Variants in RGS12 observed in about 807,000 individuals in gnomAD.
The protein encoded by RGS12 is regulator of G-protein signaling 12.
In RGS12, 66 loss-of-function variants were observed where a neutral mutation model predicts 120.1. The observed-to-expected ratio is 0.55, with a 90% CI of 0.45 to 0.67. The LOEUF (loss-of-function observed/expected upper bound fraction) is 0.67. Among genes scored for constraint, RGS12 ranks in the 30% least tolerant of loss-of-function variants. The probability of loss-of-function intolerance (pLI) is 0.00; values close to 1 mark genes in which losing one functional copy is unlikely to be tolerated. For synonymous variants in RGS12, 827 were observed against 804.7 expected, an observed-to-expected ratio of 1.03 and a Z score of -0.47; for missense variants, 1,859 against 1,957.7, an observed-to-expected ratio of 0.95 and a Z score of 0.95.
intron 1 of RGS12, among the ~76,000 whole-genome samples, chr4:3,307,937 G>T (rs1724062495): frequency 6.6e-6 from 1 of 152,232 alleles, no homozygotes; most frequent in Non-Finnish European, 1.5e-5. Flanking sequence ...TCCTTACCTG[G>T]TGTATTTGGG....
intron 4 of RGS12, among the ~76,000 whole-genome samples, chr4:3,400,864 A>G (rs1030703197): frequency 7.3e-5 from 11 of 150,496 alleles, no homozygotes; most frequent in African/African-American, 9.7e-5. Context: ...TAGTAATAGT[A>G]TATATATTAG....
intron 10 of RGS12, 87 bp downstream of exon 10, chr4:3,420,805 G>A: frequency 3.4e-6 from 4 of 1,170,104 alleles, no homozygotes; most frequent in Non-Finnish European, 4.9e-6. Context: ...GGAAACCTGT[G>A]TTTACAAAAC....
chr4:3,431,203 C>T, intron 17 of RGS12: 2 of 1,375,812 alleles, frequency 1.5e-6, no homozygotes, highest in Non-Finnish European at 1.9e-6. Context: ...TCCTGAGAGG[C>T]TCTTGCAGGA....
chr4:3,314,156 C>G (rs1055710006), intron 1 of RGS12: 2 of 151,572 alleles, frequency 1.3e-5, no homozygotes, highest in Non-Finnish European at 2.9e-5. Flanking sequence ...AATTTATATT[C>G]ATTTTTTACT....
At position 3,403,829 on chromosome 4, in the gene RGS12, A is replaced by G. The variant is rs187680914; in HGVS notation, c.2021-10243A>G. On this transcript the variant is annotated intron_variant, in intron 4 of 17. Coordinates refer to ENST00000336727, the MANE Select transcript of RGS12 (RefSeq NM_001394154.1). ...AAGGCCTCATTGCTTTAAGTTTGAA[A>G]AGCATCTTCCAGTTGATAACTGGGG... Among the ~76,000 whole-genome samples, 7 of 152,356 alleles carry G rather than the reference A, an allele frequency of 4.6e-5. No homozygotes were observed. In the South Asian group the frequency reaches 1.2e-3, roughly 27 times the overall value.
intron 3 of RGS12, among the ~76,000 whole-genome samples, chr4:3,346,720 C>T (rs1204268883): frequency 6.6e-6 from 1 of 152,198 alleles, no homozygotes; most frequent in African/African-American, 2.4e-5. Context: ...ATGGCTGCTT[C>T]TCTCTACATT....
At chr4:3,316,030 TG>T (rs1724714535) in intron 1 of RGS12, 39 bp from the exon 2 acceptor site, 2 of 750,856 alleles carry the variant, frequency 2.7e-6, no homozygotes, top group African/African-American at 3.5e-5. Flanking sequence ...TGGAGAAAGA[TG>T]GGCTCTTTAA....
At chr4:3,406,643 T>C (rs182150531) in intron 4 of RGS12, among the ~76,000 whole-genome samples, 33 of 152,336 alleles carry the variant, frequency 2.2e-4, no homozygotes, top group Non-Finnish European at 5.9e-5. Flanking sequence ...ACCCGCCCTC[T>C]CCAGGGAACT....
At chr4:3,400,777 TAATG>T (rs149578164) in intron 4 of RGS12, among the ~76,000 whole-genome samples, 1 of 148,882 alleles carries the variant, frequency 6.7e-6, no homozygotes, top group African/African-American at 2.4e-5. Flanking sequence ...ATATATATGA[TAATG>T]AATAGAAAAA....
At chr4:3,321,148 G>A (rs1264465726) in intron 2 of RGS12, among the ~76,000 whole-genome samples, 5 of 152,286 alleles carry the variant, frequency 3.3e-5, no homozygotes, top group South Asian at 2.1e-4. Context: ...ATACAGAATC[G>A]TTAACAAAGG....
rs774990186 is a variant in RGS12, at chr4:3,400,741, CATT to C, written c.2021-13329_2021-13327del. 6.2e-5 allele frequency among the ~76,000 whole-genome samples: 9 copies of C among 146,158 alleles called. No homozygotes were observed. In the East Asian group the frequency reaches 7.9e-4, roughly 13 times the overall value. ...ATTAGTAATACTCATTAGTAATACT[CATT>C]AGTATTAATAATTAGTAATAGAATA... On this transcript the variant is annotated intron_variant, in intron 4 of 17. Coordinates refer to ENST00000336727, the MANE Select transcript of RGS12 (RefSeq NM_001394154.1).
intron 1 of RGS12, among the ~76,000 whole-genome samples, chr4:3,295,757 G>A (rs1723348488): frequency 6.6e-6 from 1 of 151,430 alleles, no homozygotes; most frequent in African/African-American, 2.4e-5. Flanking sequence ...CAACTCATTA[G>A]TTACGACTTA....
chr4:3,357,359 G>C (rs1714991953), intron 3 of RGS12, among the ~76,000 whole-genome samples: 1 of 151,916 alleles, frequency 6.6e-6, no homozygotes, highest in Admixed American at 6.6e-5. Flanking sequence ...ATTATCTTTG[G>C]TGTACAAAGT....
intron 1 of RGS12, chr4:3,312,721 G>A (rs1452466706): frequency 1.8e-5 from 4 of 217,568 alleles, no homozygotes; most frequent in Admixed American, 9.4e-5. Context: ...GCTGATCTCC[G>A]GGAGCTGTCT....
intron 1 of RGS12, among the ~76,000 whole-genome samples, chr4:3,301,227 C>T (rs1463244497): frequency 2.6e-5 from 4 of 152,164 alleles, no homozygotes; most frequent in South Asian, 2.1e-4. Flanking sequence ...GGGTCTGTCC[C>T]GGCTGCCCTG....
At chr4:3,362,595 TGA>T (rs1159080775) in intron 3 of RGS12, among the ~76,000 whole-genome samples, 2 of 135,526 alleles carry the variant, frequency 1.5e-5, no homozygotes, top group East Asian at 4.5e-4. Flanking sequence ...AGGGTGTGTG[TGA>T]GGGTGCGAGG....
At chr4:3,421,363 T>C (rs1723000083) in intron 10 of RGS12, among the ~76,000 whole-genome samples, 2 of 152,240 alleles carry the variant, frequency 1.3e-5, no homozygotes, top group Non-Finnish European at 2.9e-5. Context: ...ATATAATTTC[T>C]TCTTCAGTTG....
intron 3 of RGS12, among the ~76,000 whole-genome samples, chr4:3,343,633 C>T (rs1047646875): frequency 3.3e-5 from 5 of 151,968 alleles, no homozygotes; most frequent in Admixed American, 6.6e-5. Flanking sequence ...GCAGCTCACA[C>T]GAGGGTTCCT....
rs1291215201 is a variant in RGS12, at chr4:3,370,870, T to G, written c.1999-15546T>G. Among the ~76,000 whole-genome samples, 4 of 152,322 alleles carry G rather than the reference T, an allele frequency of 2.6e-5. No individual in the cohort carries two copies. In the East Asian group the frequency reaches 7.7e-4, roughly 29 times the overall value. On this transcript the variant is annotated intron_variant, in intron 3 of 17. Transcript: ENST00000336727. ...AAATGGCTTTTTAAAAGATTTGAGA[T>G]GAAATAAAAATAATTTCTATTTTCC...
Sources: gnomAD v4.1 joint callset for allele counts (sites outside exome capture counted in the v4.1 genomes callset) on GRCh38, gnomAD v4.1.1 for gene constraint, MANE v1.5 for transcripts, NCBI Gene and HGNC (gene_info 2026-07-23, HGNC 2026-07-21) for gene names.